Variants in TRIM37 observed in about 807,000 individuals in gnomAD.
TRIM37 encodes E3 ubiquitin-protein ligase TRIM37.
A neutral mutation model predicts 129.8 loss-of-function variants in TRIM37; 80 were observed. The observed-to-expected ratio is 0.62, with a 90% CI of 0.51 to 0.74. TRIM37 has a LOEUF of 0.74. Ranked by LOEUF, TRIM37 falls within the 30% of genes least tolerant of loss-of-function variation. The probability of loss-of-function intolerance (pLI) is 0.00; values close to 1 mark genes in which losing one functional copy is unlikely to be tolerated. For synonymous variants in TRIM37, 389 were observed against 387.1 expected (o/e 1.00, Z -0.06); for missense variants, 1,054 against 1,176.5 (o/e 0.90, Z 1.52).
At chr17:58,985,323 AT>A (rs1598731905) in intron 24 of TRIM37, 1 of 152,486 alleles carries the variant, frequency 6.6e-6, no homozygotes, top group East Asian at 1.9e-4. Context: ...GATTTGCTAA[AT>A]GCTGCTGTAA....
chr17:59,010,473 T>A (rs755539707), intron 22 of TRIM37, among the ~76,000 whole-genome samples: 2 of 152,166 alleles, frequency 1.3e-5, no homozygotes, highest in Admixed American at 1.3e-4. Flanking sequence ...ATTTCATAAA[T>A]GTTGCATGAA....
intron 14 of TRIM37, among the ~76,000 whole-genome samples, chr17:59,050,099 A>T (rs1016683760): frequency 6.6e-6 from 1 of 152,192 alleles, no homozygotes; most frequent in Non-Finnish European, 1.5e-5. Flanking sequence ...TCCTTAGTTT[A>T]CCACTGTAAA....
chr17:58,969,572 G>A, the TRIM37 span: 1 of 1,614,168 alleles, frequency 6.2e-7, no homozygotes. Flanking sequence ...TGCAGTGTTT[G>A]ATGGCCATGG....
Position 59,028,676 on chromosome 17 carries a change from A to G in TRIM37, c.1996T>C (p.Trp666Arg). 6.2e-7 allele frequency: 1 copy of G among 1,614,232 alleles called. No homozygotes were observed. The highest frequency in any genetic ancestry group is 8.5e-7 in the Non-Finnish European group (1 of 1,180,038). The change falls in exon 19 of 24, where the codon TGG (tryptophan) becomes CGG (arginine). Residue 666 changes from tryptophan to arginine, a missense_variant. Around this residue, in one of 3 missense-constraint regions of TRIM37, gnomAD observed 752 missense variants for 870.8 expected, o/e 0.86. Coordinates refer to ENST00000262294, the MANE Select transcript of TRIM37 (RefSeq NM_015294.6). ...DKDQRKQQAM[W>R]RVPSDLKMLK... ...ATCTTTAAATCAGAGGGCACTCGCC[A>G]CATTGCCTGTTGCTTCCTTTGGTCT...
intron 2 of TRIM37, among the ~76,000 whole-genome samples, chr17:59,096,859 T>C (rs1017469896): frequency 6.6e-6 from 1 of 152,138 alleles, no homozygotes; most frequent in African/African-American, 2.4e-5. Context: ...ACTAGAGAAA[T>C]TGTGCTAGGG....
intron 9 of TRIM37, among the ~76,000 whole-genome samples, chr17:59,069,715 C>G (rs1402837409): frequency 6.6e-6 from 1 of 152,114 alleles, no homozygotes; most frequent in Admixed American, 6.6e-5. Flanking sequence ...ATGTTAAAGC[C>G]CTAACCCCCA....
At chr17:59,004,343 T>TTAAG (rs56300135) in intron 22 of TRIM37, among the ~76,000 whole-genome samples, 151,976 of 152,260 alleles carry the variant, frequency 1, 75,846 homozygotes, top group Middle Eastern at 1. Context: ...AGGTATGACA[T>TTAAG]TATTTATATT....
intron 15 of TRIM37, among the ~76,000 whole-genome samples, chr17:59,048,415 C>A (rs1005690249): frequency 2.0e-5 from 3 of 151,998 alleles, no homozygotes; most frequent in African/African-American, 4.8e-5. Flanking sequence ...TACAAAAAAA[C>A]CAACTGTCTA....
At chr17:58,986,204 C>T (rs1056052326) in intron 24 of TRIM37, among the ~76,000 whole-genome samples, 4 of 151,196 alleles carry the variant, frequency 2.6e-5, no homozygotes, top group African/African-American at 9.7e-5. Context: ...GCATCATTTC[C>T]TTTCCTTCTT....
At chr17:59,044,312 A>G (rs1416117116) in intron 16 of TRIM37, among the ~76,000 whole-genome samples, 1 of 152,132 alleles carries the variant, frequency 6.6e-6, no homozygotes, top group Non-Finnish European at 1.5e-5. Flanking sequence ...CCCGTCTCAA[A>G]AAATAAAGCC....
intron 2 of TRIM37, among the ~76,000 whole-genome samples, chr17:59,095,043 C>A (rs960841731): frequency 1.3e-5 from 2 of 151,998 alleles, no homozygotes; most frequent in African/African-American, 2.4e-5. Context: ...TAGCAAGATA[C>A]CATCTCTACA....
chr17:59,045,724 T>C (rs977676370), intron 16 of TRIM37, among the ~76,000 whole-genome samples: 1 of 150,428 alleles, frequency 6.6e-6, no homozygotes, highest in African/African-American at 2.5e-5. Context: ...GGTTTAAAAA[T>C]CCAAAAATCG....
chr17:59,053,933 T>TAAACAAAACA (rs10634008), intron 13 of TRIM37, among the ~76,000 whole-genome samples: 1 of 150,916 alleles, frequency 6.6e-6, no homozygotes. Flanking sequence ...ACACTGACTC[T>TAAACAAAACA]AAACAAAACA....
chr17:59,087,214 GCCC>G (rs929345838), intron 4 of TRIM37, among the ~76,000 whole-genome samples: 1 of 151,972 alleles, frequency 6.6e-6, no homozygotes. Context: ...TCCTGCCTCA[GCCC>G]CCCAAGTAGC....
intron 24 of TRIM37, chr17:58,983,597 G>A (rs1567904569): frequency 6.6e-6 from 1 of 152,540 alleles, no homozygotes; most frequent in Non-Finnish European, 1.5e-5. Flanking sequence ...GGTGTACCTG[G>A]TGATTGTAAA....
At chr17:59,010,889 G>A (rs1400334797) in intron 22 of TRIM37, among the ~76,000 whole-genome samples, 2 of 152,032 alleles carry the variant, frequency 1.3e-5, no homozygotes, top group Non-Finnish European at 1.5e-5. Flanking sequence ...ACTATTCCCC[G>A]GCCGGCCTTG....
intron 18 of TRIM37, 118 bp downstream of exon 18, chr17:59,031,778 A>C: frequency 2.0e-6 from 2 of 1,019,252 alleles, no homozygotes; most frequent in South Asian, 3.1e-5. Flanking sequence ...TATGGTATAC[A>C]ATGAAAAACA....
chr17:59,082,306 C>A (rs2043371665), intron 5 of TRIM37, among the ~76,000 whole-genome samples: 1 of 151,962 alleles, frequency 6.6e-6, no homozygotes. Context: ...AATAATAATT[C>A]TCCATCTTCC....
chr17:59,001,411 A>AT (rs1411052380), intron 23 of TRIM37, among the ~76,000 whole-genome samples, 187 bp downstream of exon 23: 1 of 151,626 alleles, frequency 6.6e-6, no homozygotes, highest in Non-Finnish European at 1.5e-5. Context: ...AGTACTCACC[A>AT]TAATAGTTAA....
Sources: allele counts gnomAD v4.1 joint callset (sites outside exome capture counted in the v4.1 genomes callset), GRCh38; gene constraint gnomAD v4.1.1; regional missense constraint gnomAD v4.1.1; transcripts MANE v1.5; gene names NCBI Gene and HGNC (gene_info 2026-07-23, HGNC 2026-07-21).